GALNT7: variants seen among roughly 807,000 people sequenced by gnomAD.
GALNT7 encodes N-acetylgalactosaminyltransferase 7.
In GALNT7, 60 loss-of-function variants were observed where a neutral mutation model predicts 82.1. The ratio of observed to expected loss-of-function variants is 0.73; its 90% CI spans 0.59 to 0.91. The LOEUF (loss-of-function observed/expected upper bound fraction) is 0.91. Among genes scored for constraint, GALNT7 ranks in the 40% least tolerant of loss-of-function variants. The pLI, the probability that GALNT7 is intolerant of heterozygous loss-of-function variation, is 0.00. For synonymous variants in GALNT7, 243 were observed against 275.1 expected (o/e 0.88, Z 1.15); for missense variants, 660 against 804.2 (o/e 0.82, Z 2.17).
intron 1 of GALNT7, among the ~76,000 whole-genome samples, chr4:173,190,878 G>A (rs1325461595): frequency 6.6e-6 from 1 of 152,138 alleles, no homozygotes; most frequent in Non-Finnish European, 1.5e-5. Context: ...TATCAGAAAT[G>A]TAGAGGAGGC....
intron 9 of GALNT7, chr4:173,317,224 G>A (rs1306919342): frequency 5.9e-6 from 1 of 168,572 alleles, no homozygotes; most frequent in African/African-American, 2.4e-5. Context: ...CAAAAGTGCT[G>A]CATAGCCATT....
At chr4:173,304,173 G>A (rs866113806) in intron 8 of GALNT7, 55 bp downstream of exon 8, 2 of 1,486,694 alleles carry the variant, frequency 1.3e-6, no homozygotes, top group Middle Eastern at 3.5e-4. Context: ...TGTACCACAT[G>A]CTATAGTAGT....
intron 2 of GALNT7, among the ~76,000 whole-genome samples, chr4:173,254,011 T>C (rs566184802): frequency 7.9e-5 from 12 of 152,250 alleles, no homozygotes; most frequent in Non-Finnish European, 1.5e-4. Flanking sequence ...TTAAATATTT[T>C]GACTTATTGA....
chr4:173,183,486 T>C (rs1732336806), intron 1 of GALNT7, among the ~76,000 whole-genome samples: 1 of 152,106 alleles, frequency 6.6e-6, no homozygotes, highest in South Asian at 2.1e-4. Context: ...TAATTTTTTT[T>C]TTTTCCCCAA....
intron 7 of GALNT7, among the ~76,000 whole-genome samples, chr4:173,303,204 AAAAG>A (rs1219936371): frequency 1.3e-4 from 20 of 152,298 alleles, no homozygotes; most frequent in Middle Eastern, 3.4e-3. Context: ...CAAAAAAAAA[AAAAG>A]AAAGAGCGAG....
intron 1 of GALNT7, among the ~76,000 whole-genome samples, chr4:173,203,890 A>G (rs1318116796): frequency 1.3e-5 from 2 of 152,336 alleles, no homozygotes; most frequent in East Asian, 3.9e-4. Flanking sequence ...CTATCACAGT[A>G]TTATTCTGAA....
chr4:173,169,929 G>C (rs908038971), intron 1 of GALNT7, among the ~76,000 whole-genome samples: 3 of 152,060 alleles, frequency 2.0e-5, no homozygotes, highest in Non-Finnish European at 4.4e-5. Context: ...AGCTCGCGGC[G>C]GCTCCGCTGG....
At chr4:173,218,513 A>G (rs1008835183) in intron 1 of GALNT7, among the ~76,000 whole-genome samples, 1 of 152,054 alleles carries the variant, frequency 6.6e-6, no homozygotes, top group Non-Finnish European at 1.5e-5. Flanking sequence ...GCCACTGAGA[A>G]GGGTGTGTGG....
chr4:173,231,209 C>T lies in GALNT7; in HGVS notation c.127-16771C>T, dbSNP rs141405373. 3.8e-3 allele frequency among the ~76,000 whole-genome samples: 581 copies of T among 152,256 alleles called. 3 individuals carry two copies. The highest frequency in any genetic ancestry group is 0.02 in the Middle Eastern group (6 of 294). On this transcript the variant is annotated intron_variant, in intron 1 of 11. Transcript: ENST00000265000. ...ATCATGACCTAACACATTGAAGGAA[C>T]AAAACACCTTTGACAGGCAGATCTC...
intron 1 of GALNT7, among the ~76,000 whole-genome samples, chr4:173,235,338 A>G (rs1263114795): frequency 3.3e-5 from 5 of 152,086 alleles, no homozygotes; most frequent in Non-Finnish European, 5.9e-5. Flanking sequence ...CTACTACCTA[A>G]TCTTCAGCCT....
At chr4:173,253,150 C>T (rs147490358) in intron 2 of GALNT7, among the ~76,000 whole-genome samples, 1,695 of 151,600 alleles carry the variant, frequency 0.011, 27 homozygotes, top group Middle Eastern at 0.044. Context: ...TGCAGTGAGC[C>T]GAGATCACAC....
chr4:173,302,644 A>G lies in GALNT7; in HGVS notation c.1266+480A>G, dbSNP rs886598011. Among the ~76,000 whole-genome samples, 3 of 152,156 alleles carry G rather than the reference A, an allele frequency of 2.0e-5. No individual in the cohort carries two copies. The highest frequency in any genetic ancestry group is 4.8e-5 in the African/African-American group (2 of 41,440). ...CACCCTGTTGTTGAAGCAGTCTGGGAGCAATACTATCTTCCATGCTCCAGC... is the reference window on the plus strand; with the variant it reads ...CACCCTGTTGTTGAAGCAGTCTGGGGGCAATACTATCTTCCATGCTCCAGC... On this transcript the variant is annotated intron_variant, in intron 7 of 11. Transcript: ENST00000265000. This position sits in a 1 kb window ranked among gnomAD's most constrained non-coding sequence, Gnocchi z 4.2.
chr4:173,220,785 A>G (rs1426325782), intron 1 of GALNT7, among the ~76,000 whole-genome samples: 1 of 151,956 alleles, frequency 6.6e-6, no homozygotes, highest in African/African-American at 2.4e-5. Context: ...GTTTACTGAG[A>G]ATGATAATTT....
chr4:173,226,686 T>C (rs1314829966), intron 1 of GALNT7, among the ~76,000 whole-genome samples: 2 of 152,188 alleles, frequency 1.3e-5, no homozygotes, highest in Non-Finnish European at 2.9e-5. Flanking sequence ...GGGCTGTGTG[T>C]GCTATCACTC....
At chr4:173,287,713 A>G (rs1392524606) in intron 2 of GALNT7, among the ~76,000 whole-genome samples, 1 of 152,184 alleles carries the variant, frequency 6.6e-6, no homozygotes, top group Non-Finnish European at 1.5e-5. Context: ...AGTCATGCTC[A>G]TCTGCTTATG....
Position 173,305,518 on chromosome 4 carries a change from T to G in GALNT7, c.1389+1400T>G, listed in dbSNP as rs188538920. Among the ~76,000 whole-genome samples, 41 of 152,306 alleles carry G rather than the reference T, an allele frequency of 2.7e-4. 1 individual carries two copies. In the East Asian group the frequency reaches 5.2e-3, roughly 19 times the overall value. Reference sequence around the variant, plus strand: ...AACCAATATCATGGAATTTTTTCTTTTAGAAGTGTTACAGTTTTAGGACTT... The same window carrying G: ...AACCAATATCATGGAATTTTTTCTTGTAGAAGTGTTACAGTTTTAGGACTT... On this transcript the variant is annotated intron_variant, in intron 8 of 11. Coordinates refer to ENST00000265000, the MANE Select transcript of GALNT7 (RefSeq NM_017423.3).
chr4:173,198,901 A>G (rs1399673668), intron 1 of GALNT7, among the ~76,000 whole-genome samples: 1 of 152,168 alleles, frequency 6.6e-6, no homozygotes, highest in African/African-American at 2.4e-5. Flanking sequence ...TCAGATGGTC[A>G]TAAAAGGCCT....
intron 1 of GALNT7, among the ~76,000 whole-genome samples, chr4:173,172,199 A>T (rs892211554): frequency 6.6e-6 from 1 of 152,240 alleles, no homozygotes; most frequent in Non-Finnish European, 1.5e-5. Flanking sequence ...ATACATTGGC[A>T]TGATTCCAGG....
Position 173,265,587 on chromosome 4 carries a change from A to ATCTCTCTCTC in GALNT7, c.587+17171_587+17180dup, listed in dbSNP as rs59676800. ...TACTAGCAGTGATGGTGGCGTAAGC[A>ATCTCTCTCTC]TCTCTCTCTCTCTCTCTCTCTCTCT... On this transcript the variant is annotated intron_variant, in intron 2 of 11. Coordinates refer to ENST00000265000, the MANE Select transcript of GALNT7 (RefSeq NM_017423.3). 2.4e-3 allele frequency among the ~76,000 whole-genome samples: 283 copies of ATCTCTCTCTC among 118,018 alleles called. 2 individuals are homozygous for ATCTCTCTCTC. Among genetic ancestry groups the ATCTCTCTCTC allele is most frequent in the African/African-American group, 8.9e-3 (259 of 29,222 alleles). 77.4% of individuals were successfully genotyped at this position (118,018 alleles called of 152,430 possible).
Sources: allele counts gnomAD v4.1 joint callset (sites outside exome capture counted in the v4.1 genomes callset), GRCh38; gene constraint gnomAD v4.1.1; non-coding constraint Gnocchi (gnomAD v3.1); transcripts MANE v1.5; gene names NCBI Gene and HGNC (gene_info 2026-07-23, HGNC 2026-07-21).